The following OSBPL6 variants were observed in gnomAD, a reference collection of about 807,000 sequenced individuals.
The protein encoded by OSBPL6 is oxysterol binding protein like 6.
Under a neutral mutation model 125.8 loss-of-function variants are expected in OSBPL6, and 49 were observed. That is an observed-to-expected ratio of 0.39 (90% confidence interval 0.31 to 0.49). The LOEUF (loss-of-function observed/expected upper bound fraction) is 0.49. Among genes scored for constraint, OSBPL6 ranks in the 20% least tolerant of loss-of-function variants. The pLI is 0.88. For missense variants in OSBPL6, 986 were observed against 1,135.4 expected, an observed-to-expected ratio of 0.87 and a Z score of 1.89; for synonymous variants, 394 against 391.8, an observed-to-expected ratio of 1.01 and a Z score of -0.07.
At chr2:178,295,512 G>A (rs985435806) in intron 2 of OSBPL6, among the ~76,000 whole-genome samples, 3 of 152,194 alleles carry the variant, frequency 2.0e-5, no homozygotes, top group Non-Finnish European at 2.9e-5. Context: ...CACAACGCCT[G>A]AAATATTTTC....
At position 178,373,945 on chromosome 2, in the gene OSBPL6, G is replaced by C. The variant is rs778733714; in HGVS notation, c.1451G>C (p.Ser484Thr). 6.2e-7 allele frequency: 1 copy of C among 1,614,082 alleles called. No homozygotes were observed. The highest frequency in any genetic ancestry group is 8.5e-7 in the Non-Finnish European group (1 of 1,179,970). Residue 484 changes from serine (S) to threonine (T), a missense_variant, in exon 15 of 25, where the codon AGC becomes ACC. This residue lies in a region of OSBPL6 where 843 missense variants were observed against 997.3 expected (regional missense o/e 0.85). Transcript: ENST00000190611. ...TTATCACAGCAAGTAGCCAATGAGA[G>C]CCGCCTCTCCATGTCAGAGTCTGTT... Reference protein sequence around the residue: ...LPLSQQVANESRLSMSESVSE... With the variant: ...LPLSQQVANETRLSMSESVSE...
chr2:178,299,187 G>A (rs747028473), intron 2 of OSBPL6, among the ~76,000 whole-genome samples: 1 of 152,216 alleles, frequency 6.6e-6, no homozygotes, highest in Non-Finnish European at 1.5e-5. Flanking sequence ...TGACTGACAA[G>A]TCTTGGAAAA....
In OSBPL6 at chr2:178,401,800, A is replaced by G. The variant is rs1696109322; in HGVS notation, c.*6241A>G. ...TGGACCGAGAATCCTCATTGTAACA[A>G]GCACCCTCTGCCCCCGGGACATTTT... On this transcript the variant is annotated 3_prime_UTR_variant, in exon 25 of 25. Transcript: ENST00000190611. The G allele has an allele frequency of 1.3e-5, 2 of 152,270 alleles. No individual in the cohort carries two copies. The highest frequency in any genetic ancestry group is 2.9e-5 in the Non-Finnish European group (2 of 68,080). 9.4% of individuals were successfully genotyped at this position (152,270 alleles called of 1,614,324 possible).
intron 8 of OSBPL6, 117 bp from the exon 9 acceptor site, chr2:178,336,184 T>C (rs1689669583): frequency 7.6e-7 from 1 of 1,309,882 alleles, no homozygotes; most frequent in African/African-American, 1.5e-5. Context: ...TTCTTCCATG[T>C]TTTGAGTGTG....
In OSBPL6 at chr2:178,316,696, TACTTACATCGC is replaced by T. The variant is rs1687765935; in HGVS notation, c.103-7479_103-7469del. On this transcript the variant is annotated intron_variant, in intron 3 of 24. Coordinates refer to ENST00000190611, the MANE Select transcript of OSBPL6 (RefSeq NM_032523.4). The stretch of plus-strand genomic sequence containing the variant: ...ATAAAAAACAATACAGTATAACAAC[TACTTACATCGC>T]ATTTACATAGTATTAGGTATCACAA... 5.3e-5 allele frequency among the ~76,000 whole-genome samples: 8 copies of T among 152,270 alleles called. No homozygotes were observed. The South Asian group carries it at 1.7e-3, about 32-fold the overall frequency.
chr2:178,213,347 C>G (rs2089952239), intron 1 of OSBPL6, among the ~76,000 whole-genome samples: 1 of 152,106 alleles, frequency 6.6e-6, no homozygotes. Flanking sequence ...GAATTACAAA[C>G]TTGTGCATGC....
intron 1 of OSBPL6, among the ~76,000 whole-genome samples, chr2:178,265,191 CTTTTTTTTTTTTTTTT>C (rs376718500): frequency 1.4e-3 from 47 of 33,728 alleles, no homozygotes; most frequent in Middle Eastern, 0.024. Flanking sequence ...CCAGACGAGA[CTTTTTTTTTTTTTTTT>C]TTTTTTTTTT....
intron 1 of OSBPL6, among the ~76,000 whole-genome samples, chr2:178,229,098 A>T (rs2153978241): frequency 6.6e-6 from 1 of 152,314 alleles, no homozygotes; most frequent in East Asian, 1.9e-4. Context: ...ATGTGTGTGT[A>T]AAGGGCAAAA....
intron 1 of OSBPL6, among the ~76,000 whole-genome samples, chr2:178,273,599 A>C (rs2092413591): frequency 6.6e-6 from 1 of 152,172 alleles, no homozygotes; most frequent in Non-Finnish European, 1.5e-5. Context: ...GTAAACAAGT[A>C]AATTAAAAGT....
intron 3 of OSBPL6, among the ~76,000 whole-genome samples, chr2:178,322,530 G>A (rs1232396652): frequency 6.6e-6 from 1 of 152,080 alleles, no homozygotes; most frequent in African/African-American, 2.4e-5. Context: ...TGTCATCTGT[G>A]CCTGGCAAAG....
intron 21 of OSBPL6, 70 bp from the exon 22 acceptor site, chr2:178,391,003 T>C (rs1695356716): frequency 1.1e-5 from 17 of 1,574,006 alleles, no homozygotes. Context: ...GAAATTTTTC[T>C]ATATGGAAAA....
intron 1 of OSBPL6, among the ~76,000 whole-genome samples, chr2:178,231,133 A>G (rs73028684): frequency 0.1 from 15,446 of 152,040 alleles, 1,524 homozygotes; most frequent in African/African-American, 0.26. Context: ...AAATGGGAAA[A>G]AGGCTGGCCT....
chr2:178,382,704 TAAGAG>T, intron 16 of OSBPL6, 197 bp downstream of exon 16: 1 of 1,453,334 alleles, frequency 6.9e-7, no homozygotes, highest in Non-Finnish European at 9.1e-7. Context: ...GGTAAATAGT[TAAGAG>T]AAAACGTTTT....
chr2:178,229,601 G>A (rs548128224), intron 1 of OSBPL6, among the ~76,000 whole-genome samples: 4 of 152,284 alleles, frequency 2.6e-5, no homozygotes, highest in East Asian at 1.9e-4. Flanking sequence ...AGGCCAAGGC[G>A]AGTGGATCTT....
chr2:178,297,754 T>C (rs1685890286), intron 2 of OSBPL6, among the ~76,000 whole-genome samples: 3 of 152,232 alleles, frequency 2.0e-5, no homozygotes, highest in African/African-American at 7.2e-5. Flanking sequence ...TGGAAAGATT[T>C]CATAAAGAAG....
At chr2:178,258,933 G>A (rs1235918312) in intron 1 of OSBPL6, among the ~76,000 whole-genome samples, 1 of 152,066 alleles carries the variant, frequency 6.6e-6, no homozygotes, top group Non-Finnish European at 1.5e-5. Context: ...TGGAGCTATA[G>A]CCTGAACTCA....
chr2:178,231,870 C>G (rs1468125881), intron 1 of OSBPL6, among the ~76,000 whole-genome samples: 2 of 152,074 alleles, frequency 1.3e-5, no homozygotes, highest in African/African-American at 4.8e-5. Flanking sequence ...GGCTACATTA[C>G]CCAGGCTGGT....
At chr2:178,382,925 A>G (rs939164570) in intron 16 of OSBPL6, 99 bp from the exon 17 acceptor site, 1 of 1,512,188 alleles carries the variant, frequency 6.6e-7, no homozygotes, top group Non-Finnish European at 8.9e-7. Context: ...AGACTCATGA[A>G]AGGTCTCAAA....
chr2:178,211,662 A>G (rs1401652706), intron 1 of OSBPL6, among the ~76,000 whole-genome samples: 1 of 152,104 alleles, frequency 6.6e-6, no homozygotes, highest in East Asian at 1.9e-4. Flanking sequence ...AGCACTCACT[A>G]CATCTTCATC....
Sources: gnomAD v4.1 joint callset for allele counts (sites outside exome capture counted in the v4.1 genomes callset) on GRCh38, gnomAD v4.1.1 for gene constraint, gnomAD v4.1.1 regional missense constraint, MANE v1.5 for transcripts, NCBI Gene and HGNC (gene_info 2026-07-23, HGNC 2026-07-21) for gene names.